NELL1: variants seen among roughly 807,000 people sequenced by gnomAD.
NELL1 encodes protein kinase C-binding protein NELL1.
A neutral mutation model predicts 107.4 loss-of-function variants in NELL1; 76 were observed. That is an observed-to-expected ratio of 0.71 (90% CI 0.59 to 0.86). The LOEUF (loss-of-function observed/expected upper bound fraction) is 0.86, where lower values mean the gene tolerates loss of function less well. Among genes scored for constraint, NELL1 ranks in the 40% least tolerant of loss-of-function variants. NELL1 has a pLI of 0.00. For missense variants in NELL1, 1,024 were observed against 1,005.5 expected, an observed-to-expected ratio of 1.02 and a Z score of -0.25; for synonymous variants, 353 against 341.2, an observed-to-expected ratio of 1.03 and a Z score of -0.38.
intron 3 of NELL1, among the ~76,000 whole-genome samples, chr11:20,827,070 A>G (rs1857900470): frequency 6.6e-6 from 1 of 151,244 alleles, no homozygotes; most frequent in African/African-American, 2.4e-5. Context: ...TGGTTTTGCA[A>G]TAGGAGTGCG....
intron 13 of NELL1, among the ~76,000 whole-genome samples, chr11:21,201,112 G>A (rs578026330): frequency 6.6e-5 from 10 of 152,036 alleles, no homozygotes; most frequent in Admixed American, 1.3e-4. Flanking sequence ...TTGTCCATGC[G>A]GGCTGTTTTT....
Position 21,229,455 on chromosome 11 carries a change from G to T in NELL1, c.1549+1G>T, listed in dbSNP as rs200266588. 4.3e-6 allele frequency: 7 copies of T among 1,613,690 alleles called. No homozygotes were observed. The highest frequency in any genetic ancestry group is 1.7e-5 in the Admixed American group (1 of 60,018). ...GTGGGGAACGGGACCATCTGCAGAGGTAGGCTTGCCGCCTTAGTGTTGAGT... is the reference window on the plus strand; with the variant it reads ...GTGGGGAACGGGACCATCTGCAGAGTTAGGCTTGCCGCCTTAGTGTTGAGT... On this transcript the variant is annotated splice_donor_variant, in intron 14 of 19. Coordinates refer to ENST00000357134, the MANE Select transcript of NELL1 (RefSeq NM_006157.5). LOFTEE classifies it high-confidence loss of function.
At chr11:20,674,207 GA>G (rs1853991295) in intron 1 of NELL1, among the ~76,000 whole-genome samples, 1 of 152,180 alleles carries the variant, frequency 6.6e-6, no homozygotes, top group African/African-American at 2.4e-5. Context: ...CCCAGCGTGA[GA>G]GGCCCTTCTA....
Position 21,281,690 on chromosome 11 carries a change from C to CAG in NELL1, c.1549+52250_1549+52251dup, listed in dbSNP as rs372695702. 1.7e-4 allele frequency among the ~76,000 whole-genome samples: 26 copies of CAG among 151,436 alleles called. No individual in the cohort carries two copies. The East Asian group carries it at 2.7e-3, about 16-fold the overall frequency. On this transcript the variant is annotated intron_variant, in intron 14 of 19. Coordinates refer to ENST00000357134, the MANE Select transcript of NELL1 (RefSeq NM_006157.5). ...ACTTGTGTCACTCCACCCCCAGATC[C>CAG]AGAGAGAGAGAGAGACTCCATTTGT... is the stretch of plus-strand genomic sequence containing the variant.
intron 12 of NELL1, among the ~76,000 whole-genome samples, chr11:21,023,995 T>C (rs1261112493): frequency 6.6e-6 from 1 of 152,080 alleles, no homozygotes; most frequent in East Asian, 1.9e-4. Flanking sequence ...TTAGAAATCC[T>C]TCCAAAATCC....
intron 18 of NELL1, among the ~76,000 whole-genome samples, chr11:21,572,365 A>G (rs1474667476): frequency 6.6e-6 from 1 of 151,926 alleles, no homozygotes; most frequent in Non-Finnish European, 1.5e-5. Flanking sequence ...TAAATATTCA[A>G]GACTTTTCAT....
intron 13 of NELL1, among the ~76,000 whole-genome samples, chr11:21,209,136 T>A (rs1017731667): frequency 2.6e-5 from 4 of 152,204 alleles, no homozygotes; most frequent in Non-Finnish European, 5.9e-5. Flanking sequence ...GGTTTAGATT[T>A]ATATTTATTT....
intron 2 of NELL1, among the ~76,000 whole-genome samples, chr11:20,745,608 C>G (rs548533965): frequency 7.2e-5 from 11 of 152,090 alleles, no homozygotes; most frequent in South Asian, 2.1e-4. Flanking sequence ...TAGTAGGTTA[C>G]TAGTAAGTAA....
chr11:21,116,040 T>C (rs1257536533), intron 13 of NELL1, among the ~76,000 whole-genome samples: 1 of 151,982 alleles, frequency 6.6e-6, no homozygotes, highest in Non-Finnish European at 1.5e-5. Context: ...CACCTTACAT[T>C]TATTCAGCTC....
intron 2 of NELL1, among the ~76,000 whole-genome samples, chr11:20,781,476 AGT>A (rs1856848858): frequency 6.6e-6 from 1 of 152,134 alleles, no homozygotes; most frequent in Non-Finnish European, 1.5e-5. Flanking sequence ...GGGAGAACTG[AGT>A]GAGAGATGAC....
chr11:20,929,166 C>T (rs576650320), intron 9 of NELL1, among the ~76,000 whole-genome samples: 1 of 152,294 alleles, frequency 6.6e-6, no homozygotes, highest in South Asian at 2.1e-4. Context: ...CTGTTGACTA[C>T]AAAGCCCATA....
At chr11:21,208,973 A>G (rs754392729) in intron 13 of NELL1, among the ~76,000 whole-genome samples, 3 of 152,100 alleles carry the variant, frequency 2.0e-5, no homozygotes, top group Non-Finnish European at 2.9e-5. Context: ...TTGACCTCCA[A>G]TAACTTTTTG....
At chr11:21,108,509 C>T (rs1489240659) in intron 12 of NELL1, among the ~76,000 whole-genome samples, 1 of 152,114 alleles carries the variant, frequency 6.6e-6, no homozygotes, top group Non-Finnish European at 1.5e-5. Context: ...TCAAAAGCGA[C>T]AAGCAATTTA....
At chr11:21,249,187 A>G (rs1858573837) in intron 14 of NELL1, among the ~76,000 whole-genome samples, 1 of 152,180 alleles carries the variant, frequency 6.6e-6, no homozygotes, top group Non-Finnish European at 1.5e-5. Flanking sequence ...TCCTAATGGG[A>G]AAATCATTGT....
chr11:21,130,506 A>T (rs1855591305), intron 13 of NELL1, among the ~76,000 whole-genome samples: 1 of 152,208 alleles, frequency 6.6e-6, no homozygotes, highest in South Asian at 2.1e-4. Context: ...CCCATGTCTG[A>T]TAACAAGGCC....
intron 5 of NELL1, among the ~76,000 whole-genome samples, chr11:20,896,591 A>C (rs971959145): frequency 6.6e-6 from 1 of 152,196 alleles, no homozygotes; most frequent in African/African-American, 2.4e-5. Context: ...TCACACCAGC[A>C]GTGTAAAAGT....
At chr11:21,437,445 C>T (rs913191959) in intron 15 of NELL1, among the ~76,000 whole-genome samples, 12 of 152,076 alleles carry the variant, frequency 7.9e-5, no homozygotes, top group Admixed American at 3.9e-4. Flanking sequence ...CCGCAACCTC[C>T]GCCTCCTGGG....
chr11:21,536,163 A>T (rs544614054), intron 16 of NELL1, among the ~76,000 whole-genome samples: 2 of 152,156 alleles, frequency 1.3e-5, no homozygotes, highest in Admixed American at 6.5e-5. Flanking sequence ...CCCTGGGTAA[A>T]CTGCACATTG....
chr11:21,237,935 A>G (rs1858251864), intron 14 of NELL1, among the ~76,000 whole-genome samples: 1 of 152,034 alleles, frequency 6.6e-6, no homozygotes, highest in Non-Finnish European at 1.5e-5. Context: ...TACCATCTAT[A>G]TGCTAATGAC....
Sources: allele counts gnomAD v4.1 joint callset (sites outside exome capture counted in the v4.1 genomes callset), GRCh38; gene constraint gnomAD v4.1.1; transcripts MANE v1.5; gene names NCBI Gene and HGNC (gene_info 2026-07-23, HGNC 2026-07-21).